KIF16B: variants seen among roughly 807,000 people sequenced by gnomAD.
KIF16B encodes the protein kinesin family member 16B.
KIF16B carries 98 observed loss-of-function variants against 156.3 expected under a neutral mutation model. The observed-to-expected ratio is 0.63, with a 90% CI of 0.53 to 0.74. The LOEUF (loss-of-function observed/expected upper bound fraction) is 0.74. Among genes scored for constraint, KIF16B ranks in the 30% least tolerant of loss-of-function variants. The pLI is 0.00. For missense variants in KIF16B, 1,421 were observed against 1,606.5 expected (o/e 0.88, Z 1.97); for synonymous variants, 564 against 583.7 (o/e 0.97, Z 0.49).
At chr20:16,357,782 T>C (rs1189007565) in intron 22 of KIF16B, among the ~76,000 whole-genome samples, 1 of 152,234 alleles carries the variant, frequency 6.6e-6, no homozygotes, top group East Asian at 1.9e-4. Context: ...TGGCATGAAG[T>C]TTCCGAAGCC....
intron 24 of KIF16B, among the ~76,000 whole-genome samples, chr20:16,332,325 C>T (rs886295954): frequency 5.9e-5 from 9 of 152,250 alleles, no homozygotes; most frequent in African/African-American, 2.2e-4. Context: ...ATGAGATGCA[C>T]AGCACAGCAC....
chr20:16,289,873 C>T (rs529734149), intron 25 of KIF16B, among the ~76,000 whole-genome samples: 1 of 152,162 alleles, frequency 6.6e-6, no homozygotes, highest in East Asian at 1.9e-4. Context: ...TGTGTTAAAA[C>T]AAAGAAGAGT....
At chr20:16,453,812 G>A (rs1239003063) in intron 12 of KIF16B, among the ~76,000 whole-genome samples, 4 of 152,090 alleles carry the variant, frequency 2.6e-5, no homozygotes, top group East Asian at 1.9e-4. Context: ...TGATAACACC[G>A]TTGAAAGGCT....
chr20:16,309,821 TTA>T (rs1278483935), intron 25 of KIF16B, among the ~76,000 whole-genome samples: 1 of 152,186 alleles, frequency 6.6e-6, no homozygotes, highest in Non-Finnish European at 1.5e-5. Context: ...GTTTATGTAT[TTA>T]TATATATGAC....
chr20:16,363,375 C>G (rs561972802), intron 22 of KIF16B, among the ~76,000 whole-genome samples: 1 of 152,186 alleles, frequency 6.6e-6, no homozygotes, highest in South Asian at 2.1e-4. Context: ...ATACTCTTCC[C>G]GGTACCTTAA....
At chr20:16,484,521 C>T (rs1294048830) in intron 12 of KIF16B, among the ~76,000 whole-genome samples, 2 of 152,202 alleles carry the variant, frequency 1.3e-5, no homozygotes, top group Non-Finnish European at 2.9e-5. Context: ...CAGAGTCTAA[C>T]TTTAATGAGA....
chr20:16,467,561 G>C (rs749531047), intron 12 of KIF16B, among the ~76,000 whole-genome samples: 10 of 152,142 alleles, frequency 6.6e-5, no homozygotes, highest in Non-Finnish European at 1.3e-4. Flanking sequence ...AGAACATACA[G>C]ATCATGTAAG....
At chr20:16,419,617 T>A (rs2066174726) in intron 15 of KIF16B, among the ~76,000 whole-genome samples, 1 of 152,138 alleles carries the variant, frequency 6.6e-6, no homozygotes, top group South Asian at 2.1e-4. Flanking sequence ...CTGTAGCACT[T>A]CTAAAAGAAG....
Position 16,354,905 on chromosome 20 carries a change from C to T in KIF16B, c.3621+1425G>A, listed in dbSNP as rs919370189. The stretch of plus-strand genomic sequence containing the variant: ...AGGTTGCAGTGAGCTGAGATCGCGC[C>T]ACTGCACTCCAGCCTGGGCAACAGA... On this transcript the variant is annotated intron_variant, in intron 23 of 25. Transcript: ENST00000354981. Among the ~76,000 whole-genome samples the T allele has an allele frequency of 2.0e-5, 3 of 151,896 alleles. No homozygotes were observed. The East Asian group carries it at 5.8e-4, about 29-fold the overall frequency.
intron 1 of KIF16B, among the ~76,000 whole-genome samples, chr20:16,569,204 G>A (rs1175441006): frequency 6.6e-6 from 1 of 152,138 alleles, no homozygotes; most frequent in African/African-American, 2.4e-5. Context: ...AGAAGTAAAT[G>A]CTTGTTGTTT....
At chr20:16,273,561 C>G in intron 25 of KIF16B, 150 bp from the exon 26 acceptor site, 1 of 636,852 alleles carries the variant, frequency 1.6e-6, no homozygotes, top group Non-Finnish European at 2.7e-6. Context: ...CAGGGTGGTG[C>G]ACTGAGGCAG....
At chr20:16,437,990 A>T (rs1189624604) in intron 12 of KIF16B, among the ~76,000 whole-genome samples, 1 of 73,954 alleles carries the variant, frequency 1.4e-5, no homozygotes, top group African/African-American at 4.9e-5. Flanking sequence ...AAAAAATAAT[A>T]AAAAAAAAAA....
intron 24 of KIF16B, among the ~76,000 whole-genome samples, chr20:16,319,749 C>A (rs1267195039): frequency 6.6e-6 from 1 of 152,154 alleles, no homozygotes; most frequent in Non-Finnish European, 1.5e-5. Flanking sequence ...TCCAGGAGCC[C>A]CACCAGGTTC....
chr20:16,446,011 C>A (rs1600417393), intron 12 of KIF16B, among the ~76,000 whole-genome samples: 1 of 152,258 alleles, frequency 6.6e-6, no homozygotes, highest in South Asian at 2.1e-4. Context: ...TAGACAACCT[C>A]CTCTTCCTGT....
intron 17 of KIF16B, among the ~76,000 whole-genome samples, chr20:16,383,220 A>G (rs895106319): frequency 6.6e-6 from 1 of 152,116 alleles, no homozygotes; most frequent in Non-Finnish European, 1.5e-5. Context: ...CCCTCTGTCC[A>G]CCCAGCAAAT....
At position 16,515,571 on chromosome 20, in the gene KIF16B, A is replaced by C; in HGVS notation, c.325T>G (p.Ser109Ala). 6.2e-7 allele frequency: 1 copy of C among 1,600,844 alleles called. No homozygotes were observed. The highest frequency in any genetic ancestry group is 8.6e-7 in the Non-Finnish European group (1 of 1,168,110). Residue 109 changes from serine to alanine, a missense_variant, in exon 4 of 26, where the codon TCA becomes GCA. Ser to Ala is a moderately conservative substitution (Grantham distance 99). Transcript: ENST00000354981. The stretch of plus-strand genomic sequence containing the variant: ...ACAGAATTTCCCATCATAGTGTATG[A>C]CTTTCCAGATCCAGTTTGCCCATAT... ...FAYGQTGSGK[S>A]YTMMGNSGDS...
At position 16,378,087 on chromosome 20, in the gene KIF16B, G is replaced by A. The variant is rs910969982; in HGVS notation, c.3197+718C>T. ...AAATACTGTGACTCAATAGGGGTGGGAGAAGTATTGATTTTTTCATTCCCA... is the reference window on the plus strand; with the variant it reads ...AAATACTGTGACTCAATAGGGGTGGAAGAAGTATTGATTTTTTCATTCCCA... On this transcript the variant is annotated intron_variant, in intron 19 of 25. Coordinates refer to ENST00000354981, the MANE Select transcript of KIF16B (RefSeq NM_024704.5). Among the ~76,000 whole-genome samples the A allele has an allele frequency of 7.9e-5, 12 of 152,292 alleles. No individual in the cohort carries two copies. The South Asian group carries it at 1.0e-3, about 13-fold the overall frequency.
At chr20:16,280,840 A>G (rs1020951475) in intron 25 of KIF16B, among the ~76,000 whole-genome samples, 3 of 131,500 alleles carry the variant, frequency 2.3e-5, no homozygotes, top group Admixed American at 1.4e-4. Flanking sequence ...CTGCGCGCGC[A>G]CGTGTGTGTG....
chr20:16,302,665 C>T (rs911816926), intron 25 of KIF16B, among the ~76,000 whole-genome samples: 2 of 152,156 alleles, frequency 1.3e-5, no homozygotes, highest in Admixed American at 6.5e-5. Context: ...ATTAGTTTGT[C>T]TTTGATTTCC....
Sources: gnomAD v4.1 joint callset for allele counts (sites outside exome capture counted in the v4.1 genomes callset) on GRCh38, gnomAD v4.1.1 for gene constraint, MANE v1.5 for transcripts, NCBI Gene and HGNC (gene_info 2026-07-23, HGNC 2026-07-21) for gene names.